The following PRTG variants were observed in gnomAD, a reference collection of about 807,000 sequenced individuals.
The protein encoded by PRTG is immunoglobulin superfamily, DCC subclass, member 5.
A neutral mutation model predicts 122.5 loss-of-function variants in PRTG; 67 were observed. The ratio of observed to expected loss-of-function variants is 0.55; its 90% CI spans 0.45 to 0.67. PRTG has a LOEUF of 0.67. PRTG is among the 30% of genes least tolerant of loss of function. The pLI, the probability that PRTG is intolerant of heterozygous loss-of-function variation, is 0.00. For synonymous variants in PRTG, 554 were observed against 501.1 expected (o/e 1.11, Z -1.41); for missense variants, 1,435 against 1,415.4 (o/e 1.01, Z -0.22).
intron 2 of PRTG, among the ~76,000 whole-genome samples, chr15:55,720,946 C>G (rs1160303341): frequency 1.3e-5 from 2 of 152,088 alleles, no homozygotes; most frequent in African/African-American, 4.8e-5. Context: ...TCTTGGATCA[C>G]CTGCTGGATG....
intron 16 of PRTG, among the ~76,000 whole-genome samples, chr15:55,627,568 C>T (rs2059202726): frequency 6.7e-6 from 1 of 149,112 alleles, no homozygotes. Context: ...TCTCGATCTC[C>T]TGACCTCGTG....
At chr15:55,642,977 G>A (rs1334969396) in intron 11 of PRTG, among the ~76,000 whole-genome samples, 2 of 152,046 alleles carry the variant, frequency 1.3e-5, no homozygotes, top group Non-Finnish European at 2.9e-5. Flanking sequence ...GGAGGCTAAA[G>A]CAGGAGGACC....
In PRTG at chr15:55,612,066, G is replaced by A. The variant is rs1184588934; in HGVS notation, c.*7946C>T. On this transcript the variant is annotated 3_prime_UTR_variant, in exon 20 of 20. Transcript: ENST00000389286. ...AGACATAAAATTTTGTCCAACAACA[G>A]CAACAAGCAGACACATTTTCTTAAC... 6.6e-6 allele frequency: 1 copy of A among 151,638 alleles called. No homozygotes were observed. Among genetic ancestry groups the A allele is most frequent in the Non-Finnish European group, 1.5e-5 (1 of 67,874 alleles). The allele number at this position is 151,638 out of a possible 1,614,324, so 9.4% of individuals were successfully genotyped here.
intron 11 of PRTG, among the ~76,000 whole-genome samples, chr15:55,653,873 T>G (rs1482908755): frequency 6.6e-6 from 1 of 152,250 alleles, no homozygotes; most frequent in African/African-American, 2.4e-5. Context: ...TTTGATCCTG[T>G]TATTCCTTTT....
intron 2 of PRTG, among the ~76,000 whole-genome samples, chr15:55,713,234 T>C (rs1028090609): frequency 6.6e-6 from 1 of 152,212 alleles, no homozygotes; most frequent in Non-Finnish European, 1.5e-5. Context: ...ACAAATGGTA[T>C]CATAGTCTAT....
intron 11 of PRTG, among the ~76,000 whole-genome samples, chr15:55,654,208 C>T (rs2059368345): frequency 6.6e-6 from 1 of 152,214 alleles, no homozygotes; most frequent in African/African-American, 2.4e-5. Flanking sequence ...AGTCTCTCCA[C>T]TGCACTACCA....
chr15:55,642,712 C>G (rs1370388097), intron 11 of PRTG, among the ~76,000 whole-genome samples: 1 of 151,708 alleles, frequency 6.6e-6, no homozygotes, highest in Admixed American at 6.6e-5. Flanking sequence ...AAACAGTAAT[C>G]CTTAATAGAT....
At chr15:55,679,803 G>A in intron 6 of PRTG, 1 of 490,316 alleles carries the variant, frequency 2.0e-6, no homozygotes, top group Non-Finnish European at 3.6e-6. Context: ...GTGTGTAGGT[G>A]TGATGGAGAT....
chr15:55,729,727 T>C (rs2051858122), intron 2 of PRTG, among the ~76,000 whole-genome samples: 1 of 152,194 alleles, frequency 6.6e-6, no homozygotes, highest in Non-Finnish European at 1.5e-5. Context: ...CATGCAATAA[T>C]AATGACATGT....
chr15:55,635,108 T>C (rs932597924), intron 15 of PRTG, among the ~76,000 whole-genome samples: 1 of 151,722 alleles, frequency 6.6e-6, no homozygotes, highest in East Asian at 1.9e-4. Context: ...TGTGTGTTTT[T>C]TGAGACAGAG....
Position 55,673,469 on chromosome 15 carries a change from C to A in PRTG, c.1754G>T (p.Ser585Ile). 1.2e-6 allele frequency: 2 copies of A among 1,614,166 alleles called. No individual in the cohort carries two copies. The highest frequency in any genetic ancestry group is 1.3e-5 in the African/African-American group (1 of 75,046). The stretch of plus-strand genomic sequence containing the variant: ...AGCAGTAATCCGAACCAGGTAGACA[C>A]TGTCAGGTTTCAGGCCTTCCAAAAG... The part of the protein sequence containing the change: ...EYLLEGLKPD[S>I]VYLVRITAAT... Residue 585 changes from serine to isoleucine, a missense_variant, in exon 10 of 20, where the codon AGT (serine) becomes ATT (isoleucine). By Grantham distance (142) the Ser-to-Ile change is moderately radical. Coordinates refer to ENST00000389286, the MANE Select transcript of PRTG (RefSeq NM_173814.6).
Position 55,617,603 on chromosome 15 carries a change from A to G in PRTG, c.*2409T>C, listed in dbSNP as rs1173312671. ...AAGTCCGTATAAGAACAAAATGAAA[A>G]GGTAAAAAATGTACTGTTAAATAAT... On this transcript the variant is annotated 3_prime_UTR_variant, in exon 20 of 20. Transcript: ENST00000389286. The G allele has an allele frequency of 3.3e-5, 5 of 152,154 alleles. No individual in the cohort carries two copies. The highest frequency in any genetic ancestry group is 4.8e-5 in the African/African-American group (2 of 41,448). The allele number at this position is 152,154 out of a possible 1,614,324, so 9.4% of individuals were successfully genotyped here.
intron 2 of PRTG, among the ~76,000 whole-genome samples, chr15:55,697,810 G>T (rs2059640084): frequency 6.6e-6 from 1 of 152,120 alleles, no homozygotes. Context: ...TACTTTTCCT[G>T]AACATGTTTT....
At chr15:55,622,539 A>G (rs1277474798) in intron 18 of PRTG, among the ~76,000 whole-genome samples, 1 of 133,246 alleles carries the variant, frequency 7.5e-6, no homozygotes, top group East Asian at 2.2e-4. Flanking sequence ...GCCTACTACC[A>G]TGACCGGCTA....
intron 2 of PRTG, among the ~76,000 whole-genome samples, chr15:55,716,239 AAAAC>A (rs1253363019): frequency 2.0e-5 from 3 of 152,158 alleles, no homozygotes; most frequent in African/African-American, 4.8e-5. Flanking sequence ...TCAAAAACAG[AAAAC>A]AAACAAACAA....
Position 55,620,017 on chromosome 15 carries a change from G to A in PRTG, c.3448C>T (p.Leu1150Phe), listed in dbSNP as rs200362007. ...AATCACTGCCAGTGAAAGAATCAGA[G>A]GTTGGGGGGTGTGGTACTTATAACT... ...SSVISTTPPN[L>F] The change falls in exon 20 of 20, where the codon CTC becomes TTC. Residue 1150 changes from leucine (L) to phenylalanine (F), a missense_variant. Transcript: ENST00000389286. 1.3e-4 allele frequency: 211 copies of A among 1,613,964 alleles called. No individual in the cohort carries two copies. Among genetic ancestry groups the A allele is most frequent in the Non-Finnish European group, 1.0e-4 (121 of 1,179,988 alleles).
rs748054523 is a variant in PRTG, at chr15:55,639,815, G to A, written c.2151C>T (p.Arg717=). Residue 717 remains arginine, a synonymous_variant, in exon 13 of 20, where the codon CGC becomes CGT. Coordinates refer to ENST00000389286, the MANE Select transcript of PRTG (RefSeq NM_173814.6). ...GGGGTGGTGGTGGAGGAGGGACCAT[G>A]CGATCACGAACAGCTATTGAGAAAA... ...STPGCVSVRD[R]MVPPPPPPHH... 2 of 1,614,024 alleles carry A rather than the reference G, an allele frequency of 1.2e-6. No individual in the cohort carries two copies. The highest frequency in any genetic ancestry group is 4.5e-5 in the East Asian group (2 of 44,886).
intron 11 of PRTG, 77 bp downstream of exon 11, chr15:55,672,368 C>T: frequency 8.6e-7 from 1 of 1,166,972 alleles, no homozygotes; most frequent in Non-Finnish European, 1.2e-6. Context: ...AGTTCTCCTG[C>T]TTTAGATCCA....
At chr15:55,655,293 C>T (rs2059373612) in intron 11 of PRTG, 1 of 152,134 alleles carries the variant, frequency 6.6e-6, no homozygotes, top group Non-Finnish European at 1.5e-5. Context: ...TATTAAAAGA[C>T]ACTGAAGATG....
Sources: allele counts gnomAD v4.1 joint callset (sites outside exome capture counted in the v4.1 genomes callset), GRCh38; gene constraint gnomAD v4.1.1; transcripts MANE v1.5; gene names NCBI Gene and HGNC (gene_info 2026-07-23, HGNC 2026-07-21).